Variants in CNST observed in about 807,000 individuals in gnomAD.
CNST encodes the protein consortin.
Under a neutral mutation model 72.4 loss-of-function variants are expected in CNST, and 39 were observed. The ratio of observed to expected loss-of-function variants is 0.54; its 90% CI spans 0.42 to 0.70. The LOEUF is 0.70. CNST is among the 30% of genes least tolerant of loss of function. CNST has a pLI of 0.00. For missense variants in CNST, 871 were observed against 868.5 expected, an observed-to-expected ratio of 1.00 and a Z score of -0.04; for synonymous variants, 332 against 320.1, an observed-to-expected ratio of 1.04 and a Z score of -0.40.
At chr1:246,571,372 ACTC>A in intron 1 of CNST, among the ~76,000 whole-genome samples, 1 of 151,576 alleles carries the variant, frequency 6.6e-6, no homozygotes, top group South Asian at 2.1e-4. Context: ...CTGGTTTCAA[ACTC>A]CTGACCTCAA....
intron 2 of CNST, among the ~76,000 whole-genome samples, chr1:246,598,233 C>CCA (rs1662019880): frequency 6.6e-6 from 1 of 151,196 alleles, no homozygotes; most frequent in East Asian, 1.9e-4. Flanking sequence ...CATCCACCAG[C>CCA]TTTGGCCCCC....
chr1:246,595,125 C>G (rs551217033), intron 2 of CNST, among the ~76,000 whole-genome samples: 1 of 152,202 alleles, frequency 6.6e-6, no homozygotes, highest in South Asian at 2.1e-4. Flanking sequence ...GACTGAGTGT[C>G]CTGGGGTGAG....
intron 3 of CNST, among the ~76,000 whole-genome samples, chr1:246,629,872 C>T (rs1664668525): frequency 6.6e-6 from 1 of 152,196 alleles, no homozygotes; most frequent in South Asian, 2.1e-4. Context: ...GCTGGGAATA[C>T]AGGTGCACAC....
intron 2 of CNST, among the ~76,000 whole-genome samples, chr1:246,604,618 C>T (rs1662565048): frequency 6.6e-6 from 1 of 151,496 alleles, no homozygotes; most frequent in Non-Finnish European, 1.5e-5. Flanking sequence ...CCCCCTTCTC[C>T]CACAAATATA....
Position 246,641,761 on chromosome 1 carries a change from C to A in CNST, c.831C>A (p.Ser277=). ...TTTTTTCCTACAGTCCTCTTTTATCCAAACATAAGGTAAGAGATTGTTTCT... is the reference window on the plus strand; with the variant it reads ...TTTTTTCCTACAGTCCTCTTTTATCAAAACATAAGGTAAGAGATTGTTTCT... ...ICATHQDPLL[S]KHKIAAVEKS... Residue 277 remains serine (S), a synonymous_variant, in exon 7 of 11, where the codon TCC becomes TCA. Transcript: ENST00000366513. 1 of 1,361,138 alleles carries A rather than the reference C, an allele frequency of 7.3e-7. No homozygotes were observed. Among genetic ancestry groups the A allele is most frequent in the Non-Finnish European group, 1.0e-6 (1 of 962,112 alleles). The allele number at this position is 1,361,138 out of a possible 1,614,324, so 84.3% of individuals were successfully genotyped here.
In CNST at chr1:246,642,132, GGTTTTT is replaced by G. The variant is rs901502746; in HGVS notation, c.937+96_937+101del. The G allele has an allele frequency of 5.8e-4, 115 of 198,240 alleles. 1 individual carries two copies. The highest frequency in any genetic ancestry group is 1.8e-3 in the South Asian group (19 of 10,274). 12.3% of individuals were successfully genotyped at this position (198,240 alleles called of 1,614,324 possible). On this transcript the variant is annotated intron_variant, in intron 8 of 10. Transcript: ENST00000366513. The stretch of plus-strand genomic sequence containing the variant: ...ACATCTGAATTGCTGCAAAGGATCT[GGTTTTT>G]TTTTTTTTTTTTTTTTGCACTTACA...
intron 9 of CNST, among the ~76,000 whole-genome samples, chr1:246,648,819 G>T (rs778973486): frequency 2.0e-5 from 3 of 151,882 alleles, no homozygotes; most frequent in African/African-American, 4.8e-5. Context: ...TTCCCCCCAA[G>T]TTCACTTTTA....
intron 5 of CNST, 200 bp from the exon 6 acceptor site, chr1:246,634,273 C>G: frequency 1.8e-6 from 1 of 561,908 alleles, no homozygotes; most frequent in Non-Finnish European, 3.1e-6. Flanking sequence ...ATTTCATGCC[C>G]TACTGGCTAA....
chr1:246,634,956 C>T lies in CNST; in HGVS notation c.818+369C>T, dbSNP rs3006087. Among the ~76,000 whole-genome samples, 82 of 115,964 alleles carry T rather than the reference C, an allele frequency of 7.1e-4. 1 individual carries two copies. Among genetic ancestry groups the T allele is most frequent in the African/African-American group, 1.6e-3 (50 of 31,808 alleles). The allele number at this position is 115,964 out of a possible 152,430, so 76.1% of individuals were successfully genotyped here. On this transcript the variant is annotated intron_variant, in intron 6 of 10. Transcript: ENST00000366513. ...GCCTCTCTGTCTATCCTCGGTGGTGCGTGTCTTCCGGCCGGGGTGCGTGTC... is the reference window on the plus strand; with the variant it reads ...GCCTCTCTGTCTATCCTCGGTGGTGTGTGTCTTCCGGCCGGGGTGCGTGTC...
Position 246,641,735 on chromosome 1 carries a change from C to T in CNST, c.819-14C>T. The T allele has an allele frequency of 2.3e-6, 3 of 1,298,688 alleles. No individual in the cohort carries two copies. The highest frequency in any genetic ancestry group is 3.0e-5 in the African/African-American group (2 of 67,276). The allele number at this position is 1,298,688 out of a possible 1,614,324, so 80.4% of individuals were successfully genotyped here. On this transcript the variant is annotated splice_polypyrimidine_tract_variant and intron_variant, in intron 6 of 10. Coordinates refer to ENST00000366513, the MANE Select transcript of CNST (RefSeq NM_152609.3). Reference sequence around the variant, plus strand: ...ATTTTTTTAAAATTCTTTTTTCTTTCTTTTTTCCTACAGTCCTCTTTTATC... The same window carrying T: ...ATTTTTTTAAAATTCTTTTTTCTTTTTTTTTTCCTACAGTCCTCTTTTATC...
chr1:246,585,680 CA>C (rs1661115486), intron 1 of CNST, among the ~76,000 whole-genome samples: 3 of 121,548 alleles, frequency 2.5e-5, no homozygotes, highest in African/African-American at 9.1e-5. Context: ...CACACACACA[CA>C]CACACACACA....
chr1:246,645,423 A>ATTTTTTTTT (rs762655117), intron 8 of CNST, among the ~76,000 whole-genome samples: 3 of 106,068 alleles, frequency 2.8e-5, no homozygotes, highest in African/African-American at 1.0e-4. Context: ...AAAGGTTAAA[A>ATTTTTTTTT]CTTTTTTTTT....
At chr1:246,612,362 G>T (rs779450616) in intron 2 of CNST, among the ~76,000 whole-genome samples, 1 of 151,882 alleles carries the variant, frequency 6.6e-6, no homozygotes, top group Non-Finnish European at 1.5e-5. Context: ...CTACCACGCC[G>T]AGCTAATTTT....
chr1:246,610,389 C>T (rs1200455776), intron 2 of CNST, among the ~76,000 whole-genome samples: 1 of 152,100 alleles, frequency 6.6e-6, no homozygotes, highest in African/African-American at 2.4e-5. Context: ...TCCTTTAGTT[C>T]TTCATCTATG....
At chr1:246,606,832 G>A (rs1169577099) in intron 2 of CNST, 1 of 152,168 alleles carries the variant, frequency 6.6e-6, no homozygotes, top group Non-Finnish European at 1.5e-5. Context: ...GTTGAATTGT[G>A]CGTAGGAAGC....
intron 9 of CNST, among the ~76,000 whole-genome samples, chr1:246,651,145 T>TA (rs1291308974): frequency 2.0e-5 from 3 of 151,938 alleles, no homozygotes; most frequent in Non-Finnish European, 4.4e-5. Context: ...AATTTTTTTT[T>TA]ATGCTTCCTT....
intron 1 of CNST, among the ~76,000 whole-genome samples, chr1:246,578,564 G>A (rs1264169584): frequency 3.3e-5 from 5 of 152,058 alleles, no homozygotes; most frequent in African/African-American, 9.6e-5. Flanking sequence ...CCAGCTACTC[G>A]GGAGGCTGAG....
intron 2 of CNST, among the ~76,000 whole-genome samples, chr1:246,597,702 T>G (rs1661979087): frequency 6.6e-6 from 1 of 152,162 alleles, no homozygotes. Flanking sequence ...TTAAAAAGCC[T>G]GAGTCAGGCT....
chr1:246,646,235 G>C (rs930635673), intron 8 of CNST, among the ~76,000 whole-genome samples: 23 of 140,368 alleles, frequency 1.6e-4, no homozygotes, highest in South Asian at 1.1e-3. Flanking sequence ...AGCCGAGATC[G>C]CGCCACTGTG....
Sources: allele counts gnomAD v4.1 joint callset (sites outside exome capture counted in the v4.1 genomes callset), GRCh38; gene constraint gnomAD v4.1.1; transcripts MANE v1.5; gene names NCBI Gene and HGNC (gene_info 2026-07-23, HGNC 2026-07-21).